Variants in PCNT observed in about 807,000 individuals in gnomAD.
PCNT encodes kendrin.
In PCNT, 319 loss-of-function variants were observed where a neutral mutation model predicts 380.4. The ratio of observed to expected loss-of-function variants is 0.84; its 90% CI spans 0.77 to 0.92. PCNT has a LOEUF of 0.92. Among genes scored for constraint, PCNT ranks in the 40% least tolerant of loss-of-function variants. PCNT has a pLI of 0.00. For missense variants in PCNT, 4,400 were observed against 4,255.3 expected, an observed-to-expected ratio of 1.03 and a Z score of -0.95; for synonymous variants, 1,845 against 1,735.2, an observed-to-expected ratio of 1.06 and a Z score of -1.57.
In PCNT at chr21:46,443,909, G is replaced by A. The variant is rs200268000; in HGVS notation, c.9800G>A (p.Arg3267His). 393 of 1,612,578 alleles carry A rather than the reference G, an allele frequency of 2.4e-4. 2 individuals carry two copies. Among genetic ancestry groups the A allele is most frequent in the Admixed American group, 1.1e-3 (64 of 60,026 alleles). ...SGHTRDPARG[R>H]RLAAAASPHS... ...CACACCAGGGACCCTGCCAGAGGCC[G>A]CAGACTGGCAGCAGCAGCCTCCCCA... The change falls in exon 45 of 47, where the codon CGC becomes CAC. Residue 3267 changes from arginine to histidine, a missense_variant. Arg to His is a conservative substitution (Grantham distance 29, BLOSUM62 0). Transcript: ENST00000359568.
At chr21:46,348,130 A>G (rs2084136943) in intron 6 of PCNT, 3 of 177,972 alleles carry the variant, frequency 1.7e-5, no homozygotes, top group Admixed American at 5.5e-5. Flanking sequence ...GCAGGCAGTG[A>G]GACCCATTTC....
At chr21:46,385,699 T>A in intron 16 of PCNT, 133 bp from the exon 17 acceptor site, 5 of 959,084 alleles carry the variant, frequency 5.2e-6, no homozygotes, top group Non-Finnish European at 6.8e-6. Context: ...GCCTGCTCCT[T>A]TTGCCCCATC....
At position 46,413,195 on chromosome 21, in the gene PCNT, G is replaced by A. The variant is rs112754599; in HGVS notation, c.6150+203G>A. On this transcript the variant is annotated intron_variant, in intron 29 of 46. Transcript: ENST00000359568. ...AAGGTGTGGGGAGCGGGGAAGGCAC[G>A]AGGCCCACCCGGGAGAGGCTGGACA... is the stretch of plus-strand genomic sequence containing the variant. 1.6e-3 allele frequency among the ~76,000 whole-genome samples: 184 copies of A among 117,406 alleles called. 3 individuals carry two copies. The highest frequency in any genetic ancestry group is 3.2e-3 in the East Asian group (12 of 3,762). The allele number at this position is 117,406 out of a possible 152,430, so 77.0% of individuals were successfully genotyped here.
chr21:46,382,227 T>C lies in PCNT; in HGVS notation c.3312+387T>C, dbSNP rs1356533387. On this transcript the variant is annotated intron_variant, in intron 16 of 46. Transcript: ENST00000359568. ...CAGTGGCGGAAGCGCATTCATAGTG[T>C]TCTGCATTCAGTGGCGGAAGCCCAT... 3.8e-4 allele frequency among the ~76,000 whole-genome samples: 55 copies of C among 144,254 alleles called. 1 individual carries two copies. The highest frequency in any genetic ancestry group is 1.3e-3 in the African/African-American group (52 of 39,132). The allele number at this position is 144,254 out of a possible 152,430, so 94.6% of individuals were successfully genotyped here.
At chr21:46,405,370 A>G (rs1004639180) in intron 27 of PCNT, among the ~76,000 whole-genome samples, 22 of 152,244 alleles carry the variant, frequency 1.4e-4, no homozygotes, top group Non-Finnish European at 5.9e-5. Flanking sequence ...TATTTGGCAA[A>G]AATTTAAAAA....
chr21:46,403,930 G>A (rs867267655), intron 27 of PCNT, among the ~76,000 whole-genome samples: 23 of 135,020 alleles, frequency 1.7e-4, no homozygotes, highest in African/African-American at 5.8e-4. Flanking sequence ...CCCACGCGGC[G>A]CGTGCTCGGT....
intron 30 of PCNT, 34 bp from the exon 31 acceptor site, chr21:46,418,170 A>C: frequency 7.6e-7 from 1 of 1,320,934 alleles, no homozygotes; most frequent in Non-Finnish European, 1.1e-6. Context: ...GTAATTACTC[A>C]TTATTTTATG....
chr21:46,426,833 T>C (rs957277310), intron 33 of PCNT, among the ~76,000 whole-genome samples: 3 of 152,170 alleles, frequency 2.0e-5, no homozygotes, highest in Non-Finnish European at 4.4e-5. Flanking sequence ...GTGCCCACCC[T>C]GTCCTGCCCC....
intron 2 of PCNT, among the ~76,000 whole-genome samples, chr21:46,333,920 G>T (rs927318329): frequency 1.3e-5 from 2 of 150,652 alleles, no homozygotes. Flanking sequence ...AAAATGTTTA[G>T]AGCTGGCCAG....
Position 46,366,715 on chromosome 21 carries a change from C to T in PCNT, c.2741C>T (p.Ser914Leu). ...LQERHQQQLL[S>L]VTAELEARHQ... Reference sequence around the variant, plus strand: ...GAGAGACACCAGCAGCAGCTCCTGTCAGTGACGGCGGAGCTCGAGGCCAGA... The same window carrying T: ...GAGAGACACCAGCAGCAGCTCCTGTTAGTGACGGCGGAGCTCGAGGCCAGA... Residue 914 changes from serine (S) to leucine (L), a missense_variant, in exon 15 of 47, where the codon TCA (serine) becomes TTA (leucine). Physicochemically the swap from Ser to Leu is moderately radical, Grantham distance 145 (BLOSUM62 -2). Coordinates refer to ENST00000359568, the MANE Select transcript of PCNT (RefSeq NM_006031.6). 1 of 1,613,748 alleles carries T rather than the reference C, an allele frequency of 6.2e-7. No homozygotes were observed.
At chr21:46,351,402 T>C (rs1601808096) in intron 8 of PCNT, 27 bp from the exon 9 acceptor site, 1 of 1,302,204 alleles carries the variant, frequency 7.7e-7, no homozygotes, top group East Asian at 2.3e-5. Context: ...TCATTAGGGT[T>C]TCACCTGGAC....
chr21:46,358,069 CAG>C, intron 13 of PCNT, among the ~76,000 whole-genome samples: 1 of 152,188 alleles, frequency 6.6e-6, no homozygotes. Flanking sequence ...AGTGAGCCGA[CAG>C]GGCAGCTCAG....
At chr21:46,364,813 G>T (rs2084842404) in intron 14 of PCNT, among the ~76,000 whole-genome samples, 2 of 152,300 alleles carry the variant, frequency 1.3e-5, no homozygotes, top group East Asian at 1.9e-4. Flanking sequence ...CGTTCAGGTC[G>T]CTGGGGCTGC....
chr21:46,432,760 G>C lies in PCNT; in HGVS notation c.8751+545G>C, dbSNP rs535078875. ...CTGCCTCAGCCTCCCACGTAGCTGG[G>C]ACTGCAGGCACATGCCACCACGCCT... On this transcript the variant is annotated intron_variant, in intron 38 of 46. Coordinates refer to ENST00000359568, the MANE Select transcript of PCNT (RefSeq NM_006031.6). 2.0e-5 allele frequency among the ~76,000 whole-genome samples: 3 copies of C among 152,188 alleles called. No homozygotes were observed. The South Asian group carries it at 6.2e-4, about 32-fold the overall frequency.
rs145416639 is a variant in PCNT, at chr21:46,401,026, C to T, written c.4792-525C>T. 6.3e-3 allele frequency among the ~76,000 whole-genome samples: 956 copies of T among 152,300 alleles called. 10 individuals are homozygous for T. The highest frequency in any genetic ancestry group is 0.022 in the African/African-American group (909 of 41,568). ...CTTCACCCCTTCTGCCTTCACTCAG[C>T]GAACGTTTACTGAGCTTAGTAGATG... On this transcript the variant is annotated intron_variant, in intron 25 of 46. Coordinates refer to ENST00000359568, the MANE Select transcript of PCNT (RefSeq NM_006031.6).
chr21:46,428,527 C>G lies in PCNT; in HGVS notation c.7627C>G (p.Arg2543Gly). 1 of 1,610,776 alleles carries G rather than the reference C, an allele frequency of 6.2e-7. No individual in the cohort carries two copies. Among genetic ancestry groups the G allele is most frequent in the South Asian group, 1.1e-5 (1 of 90,932 alleles). Residue 2543 changes from arginine (R) to glycine (G), a missense_variant, in exon 35 of 47, where the codon CGC (arginine) becomes GGC (glycine). Coordinates refer to ENST00000359568, the MANE Select transcript of PCNT (RefSeq NM_006031.6). ...GAACCAGGAGAAGCTGCAGCACTTGCGCACGGCGCTGACAAGCGCAGAGGC... is the reference window on the plus strand; with the variant it reads ...GAACCAGGAGAAGCTGCAGCACTTGGGCACGGCGCTGACAAGCGCAGAGGC... The part of the protein sequence containing the change: ...LQNQEKLQHL[R>G]TALTSAEARG...
intron 2 of PCNT, among the ~76,000 whole-genome samples, chr21:46,328,138 C>A (rs1397678729): frequency 6.6e-6 from 1 of 152,140 alleles, no homozygotes. Context: ...ATGTATGTAT[C>A]CTGCTTTACT....
intron 21 of PCNT, 67 bp from the exon 22 acceptor site, chr21:46,397,198 G>A: frequency 8.3e-7 from 1 of 1,202,032 alleles, no homozygotes; most frequent in Admixed American, 1.7e-5. Context: ...ATCAGGAGAT[G>A]CACGTGTCAT....
rs2087438769 is a variant in PCNT at position 46,425,115 on chromosome 21, C to T, written c.7180-716C>T. Among the ~76,000 whole-genome samples, 1 of 152,098 alleles carries T rather than the reference C, an allele frequency of 6.6e-6. No homozygotes were observed. The highest frequency in any genetic ancestry group is 2.4e-5 in the African/African-American group (1 of 41,402). ...GGGTGTGTGCTCATGTGGTGGTGAC[C>T]GCGCTGAGCCTCTGGGCTCTGGGCT... is the stretch of plus-strand genomic sequence containing the variant. On this transcript the variant is annotated intron_variant, in intron 32 of 46. Coordinates refer to ENST00000359568, the MANE Select transcript of PCNT (RefSeq NM_006031.6). This position sits in a 1 kb window ranked among gnomAD's most constrained non-coding sequence, Gnocchi z 4.2.
Sources: allele counts gnomAD v4.1 joint callset (sites outside exome capture counted in the v4.1 genomes callset), GRCh38; gene constraint gnomAD v4.1.1; non-coding constraint Gnocchi (gnomAD v3.1); transcripts MANE v1.5; gene names NCBI Gene and HGNC (gene_info 2026-07-23, HGNC 2026-07-21).